RC3H1: variants seen among roughly 807,000 people sequenced by gnomAD.
The protein encoded by RC3H1 is ring finger and CCCH-type domains 1.
Under a neutral mutation model 138.2 loss-of-function variants are expected in RC3H1, and 50 were observed. The ratio of observed to expected loss-of-function variants is 0.36; its 90% CI spans 0.29 to 0.46. The LOEUF (loss-of-function observed/expected upper bound fraction) is 0.46. Ranked by LOEUF, RC3H1 falls within the 20% of genes least tolerant of loss-of-function variation. The pLI, the probability that RC3H1 is intolerant of heterozygous loss-of-function variation, is 1.00. For synonymous variants in RC3H1, 462 were observed against 489.1 expected, an observed-to-expected ratio of 0.94 and a Z score of 0.73; for missense variants, 1,031 against 1,388.1, an observed-to-expected ratio of 0.74 and a Z score of 4.09.
rs180857365 is a variant in RC3H1, at chr1:174,003,486, A to G, written c.-150-10351T>C. On this transcript the variant is annotated intron_variant, in intron 1 of 19. Coordinates refer to ENST00000367696, the MANE Select transcript of RC3H1 (RefSeq NM_172071.4). ...CCTACCCATCAACTCATCAATCGCC[A>G]TGTACATATTATTTCTTTAATGTTT... 3.2e-3 allele frequency among the ~76,000 whole-genome samples: 490 copies of G among 151,742 alleles called. 1 individual carries two copies. Among genetic ancestry groups the G allele is most frequent in the African/African-American group, 0.011 (451 of 41,370 alleles).
intron 6 of RC3H1, 118 bp from the exon 7 acceptor site, chr1:173,978,738 C>A (rs1282494567): frequency 1.9e-6 from 2 of 1,067,100 alleles, no homozygotes; most frequent in East Asian, 2.6e-5. Context: ...TTCCCATATA[C>A]CCTACACTTT....
intron 19 of RC3H1, among the ~76,000 whole-genome samples, chr1:173,940,321 A>T (rs1158234676): frequency 6.6e-6 from 1 of 152,086 alleles, no homozygotes; most frequent in Non-Finnish European, 1.5e-5. Flanking sequence ...AAAATACAAA[A>T]TTAGCCAGGC....
Position 173,963,465 on chromosome 1 carries a change from T to C in RC3H1, c.1831+508A>G, listed in dbSNP as rs116587723. ...CACATGCATCTACTACTCATGCATA[T>C]AGTTTTCTATTCTTTACCATTATTT... On this transcript the variant is annotated intron_variant, in intron 11 of 19. Coordinates refer to ENST00000367696, the MANE Select transcript of RC3H1 (RefSeq NM_172071.4). Among the ~76,000 whole-genome samples the C allele has an allele frequency of 3.7e-3, 570 of 152,288 alleles. 4 individuals are homozygous for C. Among genetic ancestry groups the C allele is most frequent in the African/African-American group, 0.012 (491 of 41,568 alleles).
In RC3H1 at chr1:173,978,505, T is replaced by A. The variant is rs1660673655; in HGVS notation, c.1085A>T (p.Asn362Ile). 1.2e-6 allele frequency: 2 copies of A among 1,614,036 alleles called. No individual in the cohort carries two copies. The highest frequency in any genetic ancestry group is 1.3e-5 in the African/African-American group (1 of 75,036). Residue 362 changes from asparagine to isoleucine, a missense_variant, in exon 7 of 20, where the codon AAC becomes ATC. This residue lies in a region of RC3H1 where 142 missense variants were observed against 224.6 expected (regional missense o/e 0.63). Coordinates refer to ENST00000367696, the MANE Select transcript of RC3H1 (RefSeq NM_172071.4). ...GGGTTTACCTGGACTAGGGTCAATG[T>A]TTGCTAACAGCTCCAAATGGGGTCT... Reference protein sequence around the residue: ...RLRPHLELLANIDPSPDAPPP... With the variant: ...RLRPHLELLAIIDPSPDAPPP...
intron 1 of RC3H1, among the ~76,000 whole-genome samples, chr1:174,006,218 A>G (rs1661650735): frequency 6.6e-6 from 1 of 152,150 alleles, no homozygotes; most frequent in South Asian, 2.1e-4. Flanking sequence ...AAATAAATAA[A>G]TAAGTAAATA....
In RC3H1 at chr1:173,951,873, A is replaced by G. The variant is rs1571178544; in HGVS notation, c.2523+113T>C. 13 of 915,336 alleles carry G rather than the reference A, an allele frequency of 1.4e-5. No homozygotes were observed. The East Asian group carries it at 3.0e-4, about 21-fold the overall frequency. 56.7% of individuals were successfully genotyped at this position (915,336 alleles called of 1,614,324 possible). A position where few individuals can be genotyped will look rare whatever the true frequency, so the allele number is the denominator to read the frequency against. ...ATAACTCAACTGCAGAGTATAGAAT[A>G]TGGTCTGAAACTCTTAAGCAAAGCT... On this transcript the variant is annotated intron_variant, in intron 14 of 19. Coordinates refer to ENST00000367696, the MANE Select transcript of RC3H1 (RefSeq NM_172071.4).
At position 174,008,976 on chromosome 1, in the gene RC3H1, G is replaced by GAA. The variant is rs59047478; in HGVS notation, c.-151+13118_-151+13119dup. ...TAGGCAACAGAGTGAGACTTTGTCT[G>GAA]AAAAAAAAAAAAAAAAAAAAAAGAG... On this transcript the variant is annotated intron_variant, in intron 1 of 19. Coordinates refer to ENST00000367696, the MANE Select transcript of RC3H1 (RefSeq NM_172071.4). 1.9e-3 allele frequency among the ~76,000 whole-genome samples: 157 copies of GAA among 83,768 alleles called. 2 individuals are homozygous for GAA. Among genetic ancestry groups the GAA allele is most frequent in the East Asian group, 7.2e-3 (23 of 3,208 alleles). 55.0% of individuals were successfully genotyped at this position (83,768 alleles called of 152,430 possible). A position where few individuals can be genotyped will look rare whatever the true frequency, so the allele number is the denominator to read the frequency against.
intron 1 of RC3H1, among the ~76,000 whole-genome samples, chr1:174,001,984 A>C (rs1327208841): frequency 2.0e-5 from 3 of 152,124 alleles, no homozygotes; most frequent in Non-Finnish European, 4.4e-5. Flanking sequence ...ACCCTCAAAA[A>C]ATTTTACAAA....
At chr1:173,959,169 A>G (rs930609615) in intron 13 of RC3H1, among the ~76,000 whole-genome samples, 3 of 152,162 alleles carry the variant, frequency 2.0e-5, no homozygotes, top group African/African-American at 7.2e-5. Flanking sequence ...GAAAAAGATT[A>G]TTCAGAGGAC....
intron 1 of RC3H1, among the ~76,000 whole-genome samples, chr1:174,018,787 A>G (rs73027415): frequency 0.022 from 3,336 of 152,314 alleles, 135 homozygotes; most frequent in African/African-American, 0.077. Flanking sequence ...TACCCTGCCA[A>G]GGAACATCCT....
intron 3 of RC3H1, among the ~76,000 whole-genome samples, chr1:173,984,230 A>G (rs1192691440): frequency 2.0e-5 from 3 of 152,362 alleles, no homozygotes; most frequent in Admixed American, 6.5e-5. Context: ...CTAAAAATTC[A>G]CTATTTTATT....
intron 13 of RC3H1, among the ~76,000 whole-genome samples, chr1:173,952,403 A>T (rs1466477122): frequency 1.7e-5 from 1 of 60,430 alleles, no homozygotes; most frequent in Non-Finnish European, 2.6e-5. Flanking sequence ...AGCAGAAGGT[A>T]AAAAAAAAAA....
At chr1:173,993,158 A>G (rs1241727625) in intron 1 of RC3H1, 23 bp from the exon 2 acceptor site, 2 of 586,120 alleles carry the variant, frequency 3.4e-6, no homozygotes, top group Non-Finnish European at 6.0e-6. Context: ...AAAAAGGAAA[A>G]AAATTGAGTG....
intron 19 of RC3H1, among the ~76,000 whole-genome samples, chr1:173,940,515 CAAGAGTT>C (rs1658805592): frequency 6.6e-6 from 1 of 151,558 alleles, no homozygotes. Flanking sequence ...AAAATGTTAA[CAAGAGTT>C]ATCTCTGAAT....
chr1:173,965,353 G>T (rs1383193625), intron 9 of RC3H1, among the ~76,000 whole-genome samples: 1 of 152,136 alleles, frequency 6.6e-6, no homozygotes, highest in Non-Finnish European at 1.5e-5. Flanking sequence ...CCAGCACTTT[G>T]GGAGGCCGAG....
At chr1:173,942,472 T>C (rs932423847) in intron 18 of RC3H1, among the ~76,000 whole-genome samples, 26 of 107,190 alleles carry the variant, frequency 2.4e-4, no homozygotes, top group African/African-American at 1.1e-3. Flanking sequence ...CAAAGTACAA[T>C]AAATATCTTT....
intron 5 of RC3H1, among the ~76,000 whole-genome samples, chr1:173,981,899 C>CA (rs923370957): frequency 4.5e-5 from 6 of 133,968 alleles, no homozygotes; most frequent in Non-Finnish European, 3.3e-5. Context: ...GACTGCATCT[C>CA]AAAAAAAAAA....
At chr1:173,955,738 A>C (rs1659616189) in intron 13 of RC3H1, among the ~76,000 whole-genome samples, 2 of 152,208 alleles carry the variant, frequency 1.3e-5, no homozygotes, top group Admixed American at 6.5e-5. Context: ...AATCATAAGG[A>C]GATATTTATT....
At chr1:174,004,427 G>A (rs1161991662) in intron 1 of RC3H1, among the ~76,000 whole-genome samples, 5 of 151,998 alleles carry the variant, frequency 3.3e-5, no homozygotes, top group African/African-American at 1.2e-4. Flanking sequence ...TTTTCTCTAT[G>A]GTTTTAATAC....
Sources: allele counts gnomAD v4.1 joint callset (sites outside exome capture counted in the v4.1 genomes callset), GRCh38; gene constraint gnomAD v4.1.1; regional missense constraint gnomAD v4.1.1; transcripts MANE v1.5; gene names NCBI Gene and HGNC (gene_info 2026-07-23, HGNC 2026-07-21).